Variants in HPSE2 observed in about 807,000 individuals in gnomAD.
The protein encoded by HPSE2 is inactive heparanase-2.
In HPSE2, 38 loss-of-function variants were observed where a neutral mutation model predicts 60.5. The observed-to-expected ratio is 0.63, with a 90% CI of 0.48 to 0.82. HPSE2 has a LOEUF of 0.82. Ranked by LOEUF, HPSE2 falls within the 40% of genes least tolerant of loss-of-function variation. The pLI is 0.00. For missense variants in HPSE2, 713 were observed against 740.4 expected (o/e 0.96, Z 0.43); for synonymous variants, 295 against 293.2 (o/e 1.01, Z -0.06).
chr10:98,732,523 G>T (rs1949252607), intron 4 of HPSE2, among the ~76,000 whole-genome samples: 1 of 151,994 alleles, frequency 6.6e-6, no homozygotes, highest in Admixed American at 6.6e-5. Flanking sequence ...GCCAAGATAA[G>T]TAAATGGGGA....
intron 3 of HPSE2, among the ~76,000 whole-genome samples, chr10:98,838,600 CTTT>C (rs747437378): frequency 7.1e-6 from 1 of 141,770 alleles, no homozygotes; most frequent in Non-Finnish European, 1.5e-5. Context: ...AATTTTTTAA[CTTT>C]TTTTTTTTTT....
chr10:98,482,792 A>G lies in HPSE2; in HGVS notation c.1467-10T>C. On this transcript the variant is annotated splice_polypyrimidine_tract_variant and intron_variant, in intron 10 of 11. Coordinates refer to ENST00000370552, the MANE Select transcript of HPSE2 (RefSeq NM_021828.5). The stretch of plus-strand genomic sequence containing the variant: ...ACGAACGTAGTTGTGGCTGAGATCC[A>G]GAGAAAGAGAGAAGTGAAAGATGGA... 6.2e-7 allele frequency: 1 copy of G among 1,614,110 alleles called. No individual in the cohort carries two copies. Among genetic ancestry groups the G allele is most frequent in the South Asian group, 1.1e-5 (1 of 91,084 alleles).
Position 99,166,993 on chromosome 10 carries a change from T to TC in HPSE2, c.449-22595dup, listed in dbSNP as rs201186671. On this transcript the variant is annotated intron_variant, in intron 2 of 11. Coordinates refer to ENST00000370552, the MANE Select transcript of HPSE2 (RefSeq NM_021828.5). ...GATCATACTTTCTTTTTTTCTTTTT[T>TC]CTTTCCTTTTTGTTTGTTTGTTTGT... 9.1e-3 allele frequency among the ~76,000 whole-genome samples: 1,332 copies of TC among 146,894 alleles called. 15 individuals are homozygous for TC. The highest frequency in any genetic ancestry group is 0.032 in the African/African-American group (1,246 of 39,220).
chr10:99,166,717 T>A (rs1474390712), intron 2 of HPSE2, among the ~76,000 whole-genome samples: 3 of 152,204 alleles, frequency 2.0e-5, no homozygotes, highest in East Asian at 3.9e-4. Context: ...TCTAATTTTT[T>A]AAATTTTAAG....
Position 99,039,357 on chromosome 10 carries a change from A to G in HPSE2, c.610+104881T>C, listed in dbSNP as rs534810437. On this transcript the variant is annotated intron_variant, in intron 3 of 11. Transcript: ENST00000370552. The stretch of plus-strand genomic sequence containing the variant: ...GCTACCACTTATCTCAACTGTCTTG[A>G]ATACGACACCAACCATGCCAAGCCT... 4.6e-5 allele frequency among the ~76,000 whole-genome samples: 7 copies of G among 152,236 alleles called. No homozygotes were observed. The South Asian group carries it at 1.2e-3, about 27-fold the overall frequency.
intron 3 of HPSE2, among the ~76,000 whole-genome samples, chr10:98,861,095 T>C (rs76402432): frequency 0.011 from 1,669 of 152,286 alleles, 33 homozygotes; most frequent in African/African-American, 0.037. Context: ...ATTCCTCAGG[T>C]GGTAAAGATA....
chr10:99,039,829 G>GA (rs1957696666), intron 3 of HPSE2, among the ~76,000 whole-genome samples: 1 of 152,076 alleles, frequency 6.6e-6, no homozygotes, highest in Non-Finnish European at 1.5e-5. Context: ...TGTTAAGAGT[G>GA]AAAGGAAAGA....
At chr10:98,908,229 G>A (rs1335334126) in intron 3 of HPSE2, among the ~76,000 whole-genome samples, 1 of 152,164 alleles carries the variant, frequency 6.6e-6, no homozygotes, top group Non-Finnish European at 1.5e-5. Flanking sequence ...TAAGCAAAAT[G>A]TGAAATAACA....
chr10:99,106,744 A>C (rs1360278752), intron 3 of HPSE2, among the ~76,000 whole-genome samples: 1 of 152,154 alleles, frequency 6.6e-6, no homozygotes, highest in Non-Finnish European at 1.5e-5. Context: ...GAAGTAGATA[A>C]TATTATCCCC....
chr10:99,004,930 C>T (rs1049603589), intron 3 of HPSE2, among the ~76,000 whole-genome samples: 1 of 152,078 alleles, frequency 6.6e-6, no homozygotes, highest in Admixed American at 6.6e-5. Context: ...TCTTGGTTGG[C>T]AGGGTTTCTT....
At chr10:98,745,569 A>G (rs1187303409) in intron 3 of HPSE2, among the ~76,000 whole-genome samples, 2 of 152,124 alleles carry the variant, frequency 1.3e-5, no homozygotes, top group African/African-American at 4.8e-5. Context: ...TTCTTTGTTG[A>G]TGTCAGCCAG....
chr10:98,512,093 G>A (rs1047876167), intron 9 of HPSE2, among the ~76,000 whole-genome samples: 2 of 152,220 alleles, frequency 1.3e-5, no homozygotes, highest in Non-Finnish European at 2.9e-5. Context: ...GTGGCAGGAT[G>A]CCAGAGCTAA....
chr10:98,744,726 A>C (rs1378338420), intron 3 of HPSE2, among the ~76,000 whole-genome samples: 1 of 152,150 alleles, frequency 6.6e-6, no homozygotes, highest in East Asian at 1.9e-4. Context: ...AAGTCAGACA[A>C]TATGGCACTG....
intron 3 of HPSE2, among the ~76,000 whole-genome samples, chr10:99,133,557 T>C (rs1357756130): frequency 6.6e-6 from 1 of 152,162 alleles, no homozygotes; most frequent in Non-Finnish European, 1.5e-5. Context: ...ACAGCAATCT[T>C]TGCTGTTCTG....
chr10:98,562,222 C>T (rs1449417861), intron 9 of HPSE2, among the ~76,000 whole-genome samples: 1 of 152,164 alleles, frequency 6.6e-6, no homozygotes, highest in Non-Finnish European at 1.5e-5. Context: ...ATTACATAGC[C>T]TAGACATGTG....
At chr10:98,812,140 G>C (rs1399345639) in intron 3 of HPSE2, among the ~76,000 whole-genome samples, 1 of 152,076 alleles carries the variant, frequency 6.6e-6, no homozygotes, top group Non-Finnish European at 1.5e-5. Context: ...GCACTAGCCA[G>C]GGAAAATGCT....
chr10:98,940,891 A>G (rs1419930926), intron 3 of HPSE2, among the ~76,000 whole-genome samples: 2 of 132,044 alleles, frequency 1.5e-5, no homozygotes, highest in African/African-American at 6.8e-5. Context: ...CACCATAATC[A>G]AGTGGGCTTC....
chr10:99,144,341 G>GTGC lies in HPSE2; in HGVS notation c.504_506dup (p.Gln168dup). ...TTTGGAGCTCCAGCATAACATCAGGGTGCTGGGCAATCTTGCAGCCTTTCT... is the reference window on the plus strand; with the variant it reads ...TTTGGAGCTCCAGCATAACATCAGGGTGCTGCTGGGCAATCTTGCAGCCTTTCT... On this transcript the variant is annotated inframe_insertion, in exon 3 of 12. Coordinates refer to ENST00000370552, the MANE Select transcript of HPSE2 (RefSeq NM_021828.5). 6.2e-7 allele frequency: 1 copy of GTGC among 1,614,062 alleles called. No individual in the cohort carries two copies. Among genetic ancestry groups the GTGC allele is most frequent in the Non-Finnish European group, 8.5e-7 (1 of 1,179,982 alleles).
Position 99,173,051 on chromosome 10 carries a change from G to A in HPSE2, c.449-28652C>T, listed in dbSNP as rs1174671655. ...TAGAATACCCCCTTTTCCACTTGCT[G>A]TCATACTCAGAATACTAAGCCTGGA... is the stretch of plus-strand genomic sequence containing the variant. On this transcript the variant is annotated intron_variant, in intron 2 of 11. Transcript: ENST00000370552. Among the ~76,000 whole-genome samples, 14 of 33,254 alleles carry A rather than the reference G, an allele frequency of 4.2e-4. No homozygotes were observed. In the East Asian group the frequency reaches 5.2e-3, roughly 12 times the overall value. The allele number at this position is 33,254 out of a possible 152,430, so 21.8% of individuals were successfully genotyped here. A position where few individuals can be genotyped will look rare whatever the true frequency, so the allele number is the denominator to read the frequency against.
Sources: allele counts gnomAD v4.1 joint callset (sites outside exome capture counted in the v4.1 genomes callset), GRCh38; gene constraint gnomAD v4.1.1; transcripts MANE v1.5; gene names NCBI Gene and HGNC (gene_info 2026-07-23, HGNC 2026-07-21).